Variants in SNTG2 observed in about 807,000 individuals in gnomAD.
The protein encoded by SNTG2 is syntrophin gamma 2.
In SNTG2, 74 loss-of-function variants were observed where a neutral mutation model predicts 70.9. The ratio of observed to expected loss-of-function variants is 1.04; its 90% CI spans 0.86 to 1.27. The LOEUF (loss-of-function observed/expected upper bound fraction) is 1.27. Among genes scored for constraint, SNTG2 ranks in the 50% most tolerant of loss-of-function variants. The pLI is 0.00. For synonymous variants in SNTG2, 278 were observed against 273.8 expected, an observed-to-expected ratio of 1.02 and a Z score of -0.15; for missense variants, 717 against 690.7, an observed-to-expected ratio of 1.04 and a Z score of -0.43.
intron 6 of SNTG2, among the ~76,000 whole-genome samples, chr2:1,149,118 G>T (rs548388352): frequency 6.6e-6 from 1 of 152,132 alleles, no homozygotes; most frequent in Admixed American, 6.5e-5. Flanking sequence ...GGATTCCATG[G>T]TTCATACACC....
intron 8 of SNTG2, among the ~76,000 whole-genome samples, chr2:1,208,331 G>A (rs1673795098): frequency 9.4e-6 from 1 of 106,016 alleles, no homozygotes; most frequent in Admixed American, 1.1e-4. Flanking sequence ...ATGAGTGTGG[G>A]GCACACCTGT....
chr2:1,141,147 A>C (rs1427109139), intron 6 of SNTG2, among the ~76,000 whole-genome samples: 1 of 152,232 alleles, frequency 6.6e-6, no homozygotes, highest in African/African-American at 2.4e-5. Flanking sequence ...TCAGCAGACC[A>C]TGGGGACTTC....
intron 15 of SNTG2, among the ~76,000 whole-genome samples, chr2:1,314,162 C>T (rs183646105): frequency 1.2e-4 from 18 of 152,316 alleles, no homozygotes; most frequent in South Asian, 4.1e-4. Context: ...ACCACTACTG[C>T]GCTCTTTCTT....
intron 2 of SNTG2, among the ~76,000 whole-genome samples, chr2:1,084,693 C>G (rs1387992558): frequency 6.6e-6 from 1 of 152,234 alleles, no homozygotes; most frequent in African/African-American, 2.4e-5. Flanking sequence ...AAATGCATTG[C>G]TCACAGTTCT....
At chr2:1,211,665 C>G (rs1192211556) in intron 9 of SNTG2, among the ~76,000 whole-genome samples, 1 of 152,048 alleles carries the variant, frequency 6.6e-6, no homozygotes, top group Non-Finnish European at 1.5e-5. Context: ...GGGAAACTGC[C>G]CTTTATAAAA....
chr2:1,134,069 C>A (rs567432379), intron 4 of SNTG2, among the ~76,000 whole-genome samples: 1 of 151,334 alleles, frequency 6.6e-6, no homozygotes. Flanking sequence ...GCTCTTAAGG[C>A]GGTGCGTCTG....
intron 1 of SNTG2, among the ~76,000 whole-genome samples, chr2:1,077,648 T>C (rs973924307): frequency 1.3e-5 from 2 of 152,186 alleles, no homozygotes; most frequent in African/African-American, 4.8e-5. Flanking sequence ...TTCTGGCTTT[T>C]GAGTCACACT....
intron 4 of SNTG2, among the ~76,000 whole-genome samples, chr2:1,130,760 ACT>A (rs567705752): frequency 1.8e-4 from 28 of 151,748 alleles, no homozygotes; most frequent in Non-Finnish European, 3.4e-4. Context: ...GAGATTAAAA[ACT>A]CTGTGTAGAG....
intron 4 of SNTG2, among the ~76,000 whole-genome samples, chr2:1,130,743 A>G (rs1167097846): frequency 2.0e-5 from 3 of 152,196 alleles, no homozygotes; most frequent in Non-Finnish European, 4.4e-5. Flanking sequence ...GCTAGAGTAC[A>G]GTGTTGGAGA....
chr2:1,224,647 T>C (rs7564282), intron 9 of SNTG2, among the ~76,000 whole-genome samples: 48,087 of 152,166 alleles, frequency 0.32, 9,070 homozygotes, highest in African/African-American at 0.53. Context: ...ATGCATTCCA[T>C]GTTCCCCTCA....
At chr2:980,959 T>C (rs1661078619) in intron 1 of SNTG2, among the ~76,000 whole-genome samples, 1 of 152,154 alleles carries the variant, frequency 6.6e-6, no homozygotes, top group Non-Finnish European at 1.5e-5. Context: ...ATTTTTCTTA[T>C]TTTACTTATA....
At chr2:1,259,100 A>G (rs1350593532) in intron 12 of SNTG2, among the ~76,000 whole-genome samples, 2 of 152,250 alleles carry the variant, frequency 1.3e-5, no homozygotes, top group African/African-American at 4.8e-5. Context: ...ATAGATATCA[A>G]TCTTATCTAT....
intron 4 of SNTG2, among the ~76,000 whole-genome samples, chr2:1,117,219 T>C (rs1269288643): frequency 2.6e-5 from 4 of 152,080 alleles, no homozygotes; most frequent in African/African-American, 7.2e-5. Context: ...CTCAAGATGA[T>C]TGAGTCTTTT....
chr2:1,137,911 G>A, intron 6 of SNTG2, 102 bp downstream of exon 6: 1 of 1,146,992 alleles, frequency 8.7e-7, no homozygotes, highest in South Asian at 1.3e-5. Context: ...TAGATGCAGT[G>A]TTAGAATTGG....
chr2:1,183,722 C>T lies in SNTG2; in HGVS notation c.591+10539C>T, dbSNP rs147943371. On this transcript the variant is annotated intron_variant, in intron 8 of 16. Transcript: ENST00000308624. Reference sequence around the variant, plus strand: ...AATATTTTCAAAAGCTATTTATACACTCTCAGTTCATGAAGTTTTTCTTTT... The same window carrying T: ...AATATTTTCAAAAGCTATTTATACATTCTCAGTTCATGAAGTTTTTCTTTT... 3.7e-3 allele frequency among the ~76,000 whole-genome samples: 568 copies of T among 152,182 alleles called. 7 individuals carry two copies. The highest frequency in any genetic ancestry group is 0.013 in the African/African-American group (542 of 41,526).
intron 1 of SNTG2, among the ~76,000 whole-genome samples, chr2:957,687 C>T (rs552167713): frequency 9.2e-5 from 14 of 152,024 alleles, no homozygotes; most frequent in South Asian, 2.1e-4. Context: ...ATTTGTCTTC[C>T]GGCACATGGA....
intron 11 of SNTG2, among the ~76,000 whole-genome samples, chr2:1,242,172 G>A (rs951664201): frequency 8.5e-5 from 13 of 152,256 alleles, no homozygotes; most frequent in African/African-American, 2.4e-4. Flanking sequence ...TTCTCCAAAA[G>A]TGGTGTGCTT....
intron 8 of SNTG2, among the ~76,000 whole-genome samples, chr2:1,191,010 T>C (rs1442373753): frequency 2.0e-5 from 3 of 152,136 alleles, no homozygotes; most frequent in Non-Finnish European, 4.4e-5. Context: ...TTCAGAGACA[T>C]GCAGCAAAAT....
At position 1,204,948 on chromosome 2, in the gene SNTG2, TA is replaced by T. The variant is rs1162843474; in HGVS notation, c.592-4150del. 9.2e-5 allele frequency among the ~76,000 whole-genome samples: 14 copies of T among 152,322 alleles called. 2 individuals carry two copies. The East Asian group carries it at 2.7e-3, about 29-fold the overall frequency. On this transcript the variant is annotated intron_variant, in intron 8 of 16. Coordinates refer to ENST00000308624, the MANE Select transcript of SNTG2 (RefSeq NM_018968.4). ...ATTCCACTTTTTATTATCTGTGATC[TA>T]AAAATATTATTTTCTTGTATGTCTT...
Sources: gnomAD v4.1 joint callset for allele counts (sites outside exome capture counted in the v4.1 genomes callset) on GRCh38, gnomAD v4.1.1 for gene constraint, MANE v1.5 for transcripts, NCBI Gene and HGNC (gene_info 2026-07-23, HGNC 2026-07-21) for gene names.